The following PHTF2 variants were observed in gnomAD, a reference collection of about 807,000 sequenced individuals.
PHTF2 encodes the protein protein PHTF2.
PHTF2 carries 60 observed loss-of-function variants against 101.2 expected under a neutral mutation model. That is an observed-to-expected ratio of 0.59 (90% confidence interval 0.48 to 0.73). The LOEUF is 0.73. Ranked by LOEUF, PHTF2 falls within the 30% of genes least tolerant of loss-of-function variation. The pLI, the probability that PHTF2 is intolerant of heterozygous loss-of-function variation, is 0.00. For missense variants in PHTF2, 747 were observed against 908.7 expected (o/e 0.82, Z 2.29); for synonymous variants, 311 against 307.3 (o/e 1.01, Z -0.13).
chr7:77,860,522 T>TTTG (rs1420970717), intron 3 of PHTF2, among the ~76,000 whole-genome samples: 2 of 152,316 alleles, frequency 1.3e-5, no homozygotes, highest in East Asian at 3.9e-4. Flanking sequence ...TTATCTGTAA[T>TTTG]ATTGAGATAA....
At chr7:77,924,915 C>T (rs1360734361) in intron 11 of PHTF2, among the ~76,000 whole-genome samples, 2 of 152,008 alleles carry the variant, frequency 1.3e-5, no homozygotes, top group East Asian at 3.9e-4. Flanking sequence ...TCTACTGTAT[C>T]TGGTTGACTT....
chr7:77,852,786 T>G (rs555002467), intron 2 of PHTF2, among the ~76,000 whole-genome samples: 1 of 152,336 alleles, frequency 6.6e-6, no homozygotes, highest in African/African-American at 2.4e-5. Context: ...TGATGAAATC[T>G]CTCACCTTTT....
intron 1 of PHTF2, among the ~76,000 whole-genome samples, chr7:77,810,037 T>C (rs1458251395): frequency 6.6e-6 from 1 of 152,224 alleles, no homozygotes; most frequent in Admixed American, 6.5e-5. Flanking sequence ...TGAGTTAAGC[T>C]TATCATTTAT....
chr7:77,819,799 G>A (rs1324368992), intron 1 of PHTF2, among the ~76,000 whole-genome samples: 1 of 152,168 alleles, frequency 6.6e-6, no homozygotes, highest in Non-Finnish European at 1.5e-5. Context: ...AATAATTTGA[G>A]AAAAATTGAT....
chr7:77,920,522 G>A, intron 10 of PHTF2, 57 bp downstream of exon 9: 1 of 1,324,638 alleles, frequency 7.5e-7, no homozygotes, highest in South Asian at 1.2e-5. Flanking sequence ...CCAATGTAAA[G>A]TGACTTAGAT....
intron 3 of PHTF2, among the ~76,000 whole-genome samples, chr7:77,875,418 T>C (rs1798844414): frequency 6.6e-6 from 1 of 152,056 alleles, no homozygotes; most frequent in Non-Finnish European, 1.5e-5. Flanking sequence ...GGAATAACTC[T>C]GTCTATTTCC....
At chr7:77,811,247 G>A (rs1793418575) in intron 1 of PHTF2, among the ~76,000 whole-genome samples, 1 of 152,188 alleles carries the variant, frequency 6.6e-6, no homozygotes, top group South Asian at 2.1e-4. Flanking sequence ...ATGATGTTGT[G>A]TACTTTCCAG....
intron 5 of PHTF2, among the ~76,000 whole-genome samples, chr7:77,896,867 G>A (rs1800920565): frequency 1.3e-5 from 2 of 152,156 alleles, no homozygotes; most frequent in Non-Finnish European, 2.9e-5. Flanking sequence ...TCAAAGCAGT[G>A]AGCAGCTACT....
intron 2 of PHTF2, among the ~76,000 whole-genome samples, chr7:77,846,826 A>G (rs1490226220): frequency 6.6e-6 from 1 of 151,686 alleles, no homozygotes; most frequent in East Asian, 1.9e-4. Context: ...CCTTTTTTGT[A>G]GAGGCTGGGT....
At chr7:77,800,640 C>CT (rs201703322) in intron 1 of PHTF2, among the ~76,000 whole-genome samples, 3,363 of 152,216 alleles carry the variant, frequency 0.022, 52 homozygotes, top group Middle Eastern at 0.068. Flanking sequence ...AAACCATGAA[C>CT]TTTTTTTGGC....
chr7:77,879,479 C>T (rs1309749734), intron 3 of PHTF2, among the ~76,000 whole-genome samples: 5 of 152,068 alleles, frequency 3.3e-5, no homozygotes, highest in African/African-American at 1.2e-4. Context: ...TTGCCGGGCT[C>T]CCTTTCTTCC....
intron 3 of PHTF2, among the ~76,000 whole-genome samples, chr7:77,884,070 G>A (rs1419680169): frequency 6.6e-6 from 1 of 152,100 alleles, no homozygotes; most frequent in South Asian, 2.1e-4. Context: ...GGTGGAGGTA[G>A]GATAAAAATC....
chr7:77,817,890 A>G (rs1793974712), intron 1 of PHTF2, among the ~76,000 whole-genome samples: 1 of 151,994 alleles, frequency 6.6e-6, no homozygotes, highest in South Asian at 2.1e-4. Flanking sequence ...TGGGTGGATC[A>G]CGAAGTCAGC....
intron 1 of PHTF2, among the ~76,000 whole-genome samples, chr7:77,806,860 TA>T (rs55946890): frequency 2.0e-5 from 3 of 152,092 alleles, no homozygotes; most frequent in Admixed American, 2.0e-4. Flanking sequence ...TACTTTTGAG[TA>T]AAAAAACTAC....
intron 16 of PHTF2, among the ~76,000 whole-genome samples, chr7:77,949,225 A>G (rs919978327): frequency 6.6e-6 from 1 of 152,166 alleles, no homozygotes; most frequent in Non-Finnish European, 1.5e-5. Flanking sequence ...TAACATTTAT[A>G]TAAACTTTTT....
intron 15 of PHTF2, among the ~76,000 whole-genome samples, 168 bp downstream of exon 14, chr7:77,940,827 G>C (rs1311970471): frequency 1.3e-5 from 2 of 152,156 alleles, no homozygotes; most frequent in Non-Finnish European, 2.9e-5. Context: ...CAAGCCAGCA[G>C]AGGGAGCCCA....
At chr7:77,915,337 G>A (rs1038163099) in intron 9 of PHTF2, among the ~76,000 whole-genome samples, 10 of 152,036 alleles carry the variant, frequency 6.6e-5, no homozygotes, top group African/African-American at 2.4e-4. Flanking sequence ...TTCTGCCTCA[G>A]CCTCCCAAGT....
intron 3 of PHTF2, among the ~76,000 whole-genome samples, chr7:77,888,820 GTC>G (rs932816834): frequency 6.6e-6 from 1 of 151,758 alleles, no homozygotes; most frequent in Non-Finnish European, 1.5e-5. Flanking sequence ...AGTCTGCCAA[GTC>G]TCTCTGAGCA....
At chr7:77,863,937 C>G (rs1165702666) in intron 3 of PHTF2, among the ~76,000 whole-genome samples, 1 of 151,996 alleles carries the variant, frequency 6.6e-6, no homozygotes, top group Admixed American at 6.6e-5. Flanking sequence ...CCACCATCCC[C>G]GCTTAGTTTT....
Sources: allele counts gnomAD v4.1 joint callset (sites outside exome capture counted in the v4.1 genomes callset), GRCh38; gene constraint gnomAD v4.1.1; transcripts MANE v1.5; gene names NCBI Gene and HGNC (gene_info 2026-07-23, HGNC 2026-07-21).